Variants in SSBP2 observed in about 807,000 individuals in gnomAD.
SSBP2 encodes the protein single-stranded DNA-binding protein 2.
Under a neutral mutation model 61.8 loss-of-function variants are expected in SSBP2, and 17 were observed. That is an observed-to-expected ratio of 0.28 (90% CI 0.19 to 0.41). SSBP2 has a LOEUF of 0.41. Among genes scored for constraint, SSBP2 ranks in the 10% least tolerant of loss-of-function variants. The pLI is 1.00. For synonymous variants in SSBP2, 139 were observed against 141.3 expected (o/e 0.98, Z 0.12); for missense variants, 310 against 458.7 (o/e 0.68, Z 2.96).
chr5:81,490,978 T>C (rs1362355567), intron 5 of SSBP2, among the ~76,000 whole-genome samples: 1 of 152,218 alleles, frequency 6.6e-6, no homozygotes, highest in Non-Finnish European at 1.5e-5. Context: ...CTCTCATTTA[T>C]CATTTTGAAA....
In SSBP2 at chr5:81,473,769, T is replaced by C. The variant is rs1765408616; in HGVS notation, c.501A>G (p.Gly167=). ...GCATTGGCCCACCCATATTTGGATG[T>C]CCTAAAAAAAGTATGAAGACATTAG... Residue 167 remains glycine, a splice_region_variant and synonymous_variant, in exon 8 of 17, where the codon GGA becomes GGG. Coordinates refer to ENST00000320672, the MANE Select transcript of SSBP2 (RefSeq NM_012446.5). 1.2e-6 allele frequency: 2 copies of C among 1,613,700 alleles called. No homozygotes were observed. Among genetic ancestry groups the C allele is most frequent in the Non-Finnish European group, 8.5e-7 (1 of 1,179,814 alleles).
At chr5:81,646,154 A>G (rs1175213864) in intron 2 of SSBP2, among the ~76,000 whole-genome samples, 1 of 152,148 alleles carries the variant, frequency 6.6e-6, no homozygotes, top group Non-Finnish European at 1.5e-5. Flanking sequence ...CAAAAGAACA[A>G]GCCCATACTA....
intron 4 of SSBP2, among the ~76,000 whole-genome samples, chr5:81,561,554 A>T (rs1773042238): frequency 6.6e-6 from 1 of 152,082 alleles, no homozygotes; most frequent in South Asian, 2.1e-4. Flanking sequence ...ATTCTCTTCT[A>T]CTAAGTACTA....
intron 1 of SSBP2, among the ~76,000 whole-genome samples, chr5:81,720,274 C>G (rs1755458347): frequency 2.6e-5 from 4 of 152,136 alleles, no homozygotes; most frequent in Admixed American, 2.6e-4. Context: ...TACCTCCACA[C>G]TGTGTCACCA....
intron 4 of SSBP2, among the ~76,000 whole-genome samples, chr5:81,586,576 G>A (rs1775068034): frequency 7.0e-6 from 1 of 143,516 alleles, no homozygotes; most frequent in African/African-American, 2.6e-5. Context: ...ATTCTAAATA[G>A]AACTTTTGGA....
chr5:81,539,513 C>G (rs143578042), intron 4 of SSBP2, among the ~76,000 whole-genome samples: 8 of 152,272 alleles, frequency 5.3e-5, no homozygotes, highest in African/African-American at 1.7e-4. Flanking sequence ...TACTGTGGGT[C>G]AAATGCCATC....
chr5:81,718,398 A>C (rs1755317823), intron 1 of SSBP2, among the ~76,000 whole-genome samples: 2 of 152,208 alleles, frequency 1.3e-5, no homozygotes, highest in Non-Finnish European at 2.9e-5. Flanking sequence ...AAGAGAAAGA[A>C]AACAGAGAAA....
chr5:81,433,226 A>G (rs553647579), intron 15 of SSBP2, among the ~76,000 whole-genome samples: 70 of 152,200 alleles, frequency 4.6e-4, no homozygotes, highest in Non-Finnish European at 8.1e-4. Context: ...TGTGGAAAGA[A>G]GTAGACATGG....
intron 1 of SSBP2, among the ~76,000 whole-genome samples, chr5:81,712,210 T>C (rs1269875918): frequency 1.3e-5 from 2 of 150,678 alleles, no homozygotes; most frequent in African/African-American, 4.9e-5. Context: ...TGGGCAAAAA[T>C]AAAGAAAAGT....
At chr5:81,675,255 A>G (rs1006557942) in intron 1 of SSBP2, among the ~76,000 whole-genome samples, 6 of 152,142 alleles carry the variant, frequency 3.9e-5, no homozygotes, top group Admixed American at 1.3e-4. Context: ...AGCTAGACAC[A>G]TTGTTCCCCA....
At chr5:81,439,830 CCTGG>C (rs769878338) in intron 14 of SSBP2, among the ~76,000 whole-genome samples, 10 of 151,962 alleles carry the variant, frequency 6.6e-5, no homozygotes, top group Non-Finnish European at 1.3e-4. Flanking sequence ...CACCACCGCG[CCTGG>C]CTAATTTTTT....
At chr5:81,715,881 A>C (rs1755134605) in intron 1 of SSBP2, among the ~76,000 whole-genome samples, 1 of 152,046 alleles carries the variant, frequency 6.6e-6, no homozygotes, top group Non-Finnish European at 1.5e-5. Flanking sequence ...GTATACTGAG[A>C]TCTTGTCTCT....
intron 1 of SSBP2, among the ~76,000 whole-genome samples, chr5:81,710,078 A>AG (rs1754665981): frequency 1.3e-5 from 2 of 152,042 alleles, no homozygotes; most frequent in South Asian, 2.1e-4. Context: ...AAATTAGAAG[A>AG]GAAAAAAAAC....
At chr5:81,570,294 A>G (rs1773739951) in intron 4 of SSBP2, among the ~76,000 whole-genome samples, 1 of 152,246 alleles carries the variant, frequency 6.6e-6, no homozygotes, top group South Asian at 2.1e-4. Flanking sequence ...TAGAAATATT[A>G]TAATGAAACA....
chr5:81,506,055 T>C (rs1275826845), intron 5 of SSBP2, among the ~76,000 whole-genome samples: 3 of 152,148 alleles, frequency 2.0e-5, no homozygotes, highest in Admixed American at 1.3e-4. Context: ...AGCTGGGCAG[T>C]TTTAATTTGT....
At chr5:81,607,253 A>G (rs1263557771) in intron 4 of SSBP2, among the ~76,000 whole-genome samples, 3 of 152,220 alleles carry the variant, frequency 2.0e-5, no homozygotes, top group Admixed American at 1.3e-4. Context: ...TAAACAGGAC[A>G]AGATAATAAT....
chr5:81,515,130 T>C (rs778701070), intron 4 of SSBP2, among the ~76,000 whole-genome samples: 1 of 152,012 alleles, frequency 6.6e-6, no homozygotes, highest in Non-Finnish European at 1.5e-5. Flanking sequence ...TTTTTCATTT[T>C]AACTAAACTT....
At chr5:81,429,518 T>G (rs1762158399) in intron 15 of SSBP2, among the ~76,000 whole-genome samples, 1 of 152,320 alleles carries the variant, frequency 6.6e-6, no homozygotes, top group African/African-American at 2.4e-5. Flanking sequence ...CTATAAACCA[T>G]GTTTATACAG....
intron 3 of SSBP2, among the ~76,000 whole-genome samples, chr5:81,626,113 T>C (rs1747115661): frequency 6.6e-6 from 1 of 152,244 alleles, no homozygotes; most frequent in African/African-American, 2.4e-5. Flanking sequence ...TGTATGTACC[T>C]GTTCTTCATC....
Sources: allele counts gnomAD v4.1 joint callset (sites outside exome capture counted in the v4.1 genomes callset), GRCh38; gene constraint gnomAD v4.1.1; transcripts MANE v1.5; gene names NCBI Gene and HGNC (gene_info 2026-07-23, HGNC 2026-07-21).